The following STYK1 variants were observed in gnomAD, a reference collection of about 807,000 sequenced individuals.
STYK1 encodes the protein tyrosine-protein kinase STYK1.
STYK1 carries 46 observed loss-of-function variants against 48.1 expected under a neutral mutation model. The observed-to-expected ratio is 0.96, with a 90% confidence interval of 0.75 to 1.22. The LOEUF is 1.22. Ranked by LOEUF, STYK1 falls within the 50% of genes most tolerant of loss-of-function variation. STYK1 has a pLI of 0.00. For missense variants in STYK1, 527 were observed against 521.1 expected (o/e 1.01, Z -0.11); for synonymous variants, 188 against 189.0 (o/e 0.99, Z 0.04).
In STYK1 at chr12:10,669,092, C is replaced by G. The variant is rs1210687700; in HGVS notation, c.-195+4874G>C. The stretch of plus-strand genomic sequence containing the variant: ...TTGTTCATTGCTGTATCCCTAGCAC[C>G]AAGAGCAGTGTCTGGCATATATCAG... On this transcript the variant is annotated intron_variant, in intron 1 of 10. Transcript: ENST00000075503. Among the ~76,000 whole-genome samples, 4 of 152,136 alleles carry G rather than the reference C, an allele frequency of 2.6e-5. No individual in the cohort carries two copies. The East Asian group carries it at 7.7e-4, about 29-fold the overall frequency.
intron 1 of STYK1, among the ~76,000 whole-genome samples, chr12:10,659,541 G>T (rs575313207): frequency 6.7e-6 from 1 of 150,310 alleles, no homozygotes; most frequent in Non-Finnish European, 1.5e-5. Flanking sequence ...CCTGTACAGG[G>T]TTCCTGTAAG....
chr12:10,627,407 A>G (rs1218365832), intron 7 of STYK1, among the ~76,000 whole-genome samples: 2 of 152,200 alleles, frequency 1.3e-5, no homozygotes, highest in Non-Finnish European at 2.9e-5. Context: ...ATAAACCCTA[A>G]GTTGACTACT....
chr12:10,658,325 T>C (rs1484235275), intron 1 of STYK1, among the ~76,000 whole-genome samples: 1 of 152,218 alleles, frequency 6.6e-6, no homozygotes, highest in Admixed American at 6.5e-5. Context: ...AAAATCTGGC[T>C]TTCTCTCTTG....
intron 4 of STYK1, among the ~76,000 whole-genome samples, chr12:10,631,786 G>A (rs895221950): frequency 2.0e-5 from 3 of 152,202 alleles, no homozygotes; most frequent in African/African-American, 7.2e-5. Context: ...TACCCCAAAA[G>A]TCAAGTTATT....
At chr12:10,621,796 C>A in intron 10 of STYK1, 80 bp downstream of exon 10, 3 of 1,299,432 alleles carry the variant, frequency 2.3e-6, no homozygotes, top group South Asian at 1.2e-5. Flanking sequence ...ATCATCTGAG[C>A]CCTTTGAAAA....
intron 7 of STYK1, among the ~76,000 whole-genome samples, chr12:10,627,437 T>G (rs1286571958): frequency 6.6e-6 from 1 of 152,218 alleles, no homozygotes; most frequent in Non-Finnish European, 1.5e-5. Context: ...AAATTACCAA[T>G]AGTGTGGTAA....
At chr12:10,635,122 CA>C (rs1947472241) in intron 2 of STYK1, among the ~76,000 whole-genome samples, 1 of 152,028 alleles carries the variant, frequency 6.6e-6, no homozygotes, top group Non-Finnish European at 1.5e-5. Context: ...ATTTTTTAAG[CA>C]AAACATTTTT....
chr12:10,631,773 A>G (rs2120646973), intron 4 of STYK1, among the ~76,000 whole-genome samples: 1 of 152,330 alleles, frequency 6.6e-6, no homozygotes. Context: ...TCCTCCTTTG[A>G]GTTACCCCAA....
chr12:10,662,520 C>G (rs968101516), intron 1 of STYK1, among the ~76,000 whole-genome samples: 2 of 152,190 alleles, frequency 1.3e-5, no homozygotes, highest in Admixed American at 1.3e-4. Flanking sequence ...TTGACAAACA[C>G]TTCTTGCTTT....
At chr12:10,624,976 G>A (rs1947339926) in intron 7 of STYK1, 117 bp from the exon 8 acceptor site, 1 of 808,962 alleles carries the variant, frequency 1.2e-6, no homozygotes, top group Non-Finnish European at 2.1e-6. Flanking sequence ...CTCTGAACAA[G>A]TCTCACTAAT....
intron 1 of STYK1, among the ~76,000 whole-genome samples, chr12:10,664,122 T>C (rs549018029): frequency 8.5e-5 from 13 of 152,220 alleles, no homozygotes; most frequent in African/African-American, 2.9e-4. Context: ...TGGTGTAATA[T>C]AAGGCCACTG....
intron 1 of STYK1, among the ~76,000 whole-genome samples, chr12:10,656,994 G>A (rs1290638618): frequency 6.6e-6 from 1 of 152,212 alleles, no homozygotes; most frequent in Non-Finnish European, 1.5e-5. Context: ...GATGGCTAAT[G>A]GAAGTTATGG....
Position 10,620,122 on chromosome 12 carries a change from AATG to A in STYK1, c.*19_*21del. 1.9e-6 allele frequency: 3 copies of A among 1,613,690 alleles called. No homozygotes were observed. The highest frequency in any genetic ancestry group is 2.5e-6 in the Non-Finnish European group (3 of 1,179,628). On this transcript the variant is annotated 3_prime_UTR_variant, in exon 11 of 11. Coordinates refer to ENST00000075503, the MANE Select transcript of STYK1 (RefSeq NM_018423.3). Reference sequence around the variant, plus strand: ...TTCCAAGAACATATACTCATGCATGAATGTTTCTTGCCCGAGACTCTTCAAAGC... The same window carrying A: ...TTCCAAGAACATATACTCATGCATGATTTCTTGCCCGAGACTCTTCAAAGC...
rs1023456878 is a variant in STYK1 at position 10,619,323 on chromosome 12, G to A, written c.*821C>T. ...ACTGAGCTACTAAGCCTTCTTGCTTGGTTTCTACATTTCCTATTTATTGTG... is the reference window on the plus strand; with the variant it reads ...ACTGAGCTACTAAGCCTTCTTGCTTAGTTTCTACATTTCCTATTTATTGTG... On this transcript the variant is annotated 3_prime_UTR_variant, in exon 11 of 11. Coordinates refer to ENST00000075503, the MANE Select transcript of STYK1 (RefSeq NM_018423.3). The A allele has an allele frequency of 6.7e-6, 1 of 148,466 alleles. No individual in the cohort carries two copies. Among genetic ancestry groups the A allele is most frequent in the Non-Finnish European group, 1.5e-5 (1 of 67,288 alleles). 9.2% of individuals were successfully genotyped at this position (148,466 alleles called of 1,614,324 possible).
At chr12:10,628,393 A>C (rs546977031) in intron 6 of STYK1, among the ~76,000 whole-genome samples, 2 of 152,344 alleles carry the variant, frequency 1.3e-5, no homozygotes, top group East Asian at 3.9e-4. Context: ...AGTTTGGTGG[A>C]ACAAGAAAAA....
intron 1 of STYK1, among the ~76,000 whole-genome samples, chr12:10,646,919 C>A (rs1273560444): frequency 1.3e-5 from 2 of 152,192 alleles, no homozygotes; most frequent in Non-Finnish European, 2.9e-5. Context: ...TGGTGTTGAG[C>A]CTGTGGGTAC....
intron 8 of STYK1, among the ~76,000 whole-genome samples, chr12:10,623,016 CTG>C (rs1457583716): frequency 1.4e-5 from 2 of 147,680 alleles, no homozygotes; most frequent in African/African-American, 2.7e-5. Flanking sequence ...AATATTCCCT[CTG>C]TGTCTCTTTC....
chr12:10,658,322 G>A (rs1180377724), intron 1 of STYK1, among the ~76,000 whole-genome samples: 1 of 152,062 alleles, frequency 6.6e-6, no homozygotes, highest in East Asian at 1.9e-4. Flanking sequence ...TGTAAAATCT[G>A]GCTTTCTCTC....
At position 10,659,394 on chromosome 12, in the gene STYK1, G is replaced by C. The variant is rs1313843941; in HGVS notation, c.-195+14572C>G. 4.6e-5 allele frequency among the ~76,000 whole-genome samples: 7 copies of C among 152,154 alleles called. 1 individual carries two copies. Among genetic ancestry groups the C allele is most frequent in the Non-Finnish European group, 1.0e-4 (7 of 68,016 alleles). Reference sequence around the variant, plus strand: ...AAAAGAATGCTTTCTTTTGCAACAGGACACAACTGGATAAACTGTTTTTAT... The same window carrying C: ...AAAAGAATGCTTTCTTTTGCAACAGCACACAACTGGATAAACTGTTTTTAT... On this transcript the variant is annotated intron_variant, in intron 1 of 10. Coordinates refer to ENST00000075503, the MANE Select transcript of STYK1 (RefSeq NM_018423.3).
Sources: gnomAD v4.1 joint callset for allele counts (sites outside exome capture counted in the v4.1 genomes callset) on GRCh38, gnomAD v4.1.1 for gene constraint, MANE v1.5 for transcripts, NCBI Gene and HGNC (gene_info 2026-07-23, HGNC 2026-07-21) for gene names.